Variants in CDH13 observed in about 807,000 individuals in gnomAD.
CDH13 encodes cadherin-13.
Under a neutral mutation model 63.8 loss-of-function variants are expected in CDH13, and 24 were observed. The observed-to-expected ratio is 0.38, with a 90% CI of 0.27 to 0.53. CDH13 has a LOEUF of 0.53. Among genes scored for constraint, CDH13 ranks in the 20% least tolerant of loss-of-function variants. The pLI is 0.85. For missense variants in CDH13, 1,049 were observed against 903.1 expected, an observed-to-expected ratio of 1.16 and a Z score of -2.07; for synonymous variants, 503 against 355.3, an observed-to-expected ratio of 1.42 and a Z score of -4.67.
intron 1 of CDH13, among the ~76,000 whole-genome samples, chr16:82,766,503 A>G (rs1453748979): frequency 6.6e-6 from 1 of 152,214 alleles, no homozygotes; most frequent in Non-Finnish European, 1.5e-5. Flanking sequence ...TTCTGCCAGT[A>G]CACCTTTCTG....
At chr16:83,269,044 G>A (rs1389795575) in intron 5 of CDH13, among the ~76,000 whole-genome samples, 1 of 152,196 alleles carries the variant, frequency 6.6e-6, no homozygotes, top group Non-Finnish European at 1.5e-5. Flanking sequence ...CATCTGTAAA[G>A]ACGCTTTTAC....
At chr16:83,611,175 A>G (rs1908827696) in intron 8 of CDH13, among the ~76,000 whole-genome samples, 1 of 151,922 alleles carries the variant, frequency 6.6e-6, no homozygotes, top group Non-Finnish European at 1.5e-5. Context: ...GTTTATCTTT[A>G]TTCTGGATGT....
At chr16:82,697,768 TG>T (rs1567638782) in intron 1 of CDH13, among the ~76,000 whole-genome samples, 7 of 146,680 alleles carry the variant, frequency 4.8e-5, no homozygotes, top group African/African-American at 1.3e-4. Context: ...TGTGTGTGTG[TG>T]TGTGTGTGTG....
At position 83,260,097 on chromosome 16, in the gene CDH13, TACACACACACACACACAC is replaced by T. The variant is rs61647390; in HGVS notation, c.636+42629_636+42646del. On this transcript the variant is annotated intron_variant, in intron 5 of 13. Transcript: ENST00000567109. Reference sequence around the variant, plus strand: ...TTTTTTTGTAACCATGTACCCCCAATACACACACACACACACACACACACACACACACACACACACACA... The same window carrying T: ...TTTTTTTGTAACCATGTACCCCCAATACACACACACACACACACACACACA... Among the ~76,000 whole-genome samples, 43 of 126,522 alleles carry T rather than the reference TACACACACACACACACAC, an allele frequency of 3.4e-4. 1 individual carries two copies. Among genetic ancestry groups the T allele is most frequent in the Middle Eastern group, 3.8e-3 (1 of 262 alleles). 83.0% of individuals were successfully genotyped at this position (126,522 alleles called of 152,430 possible).
At chr16:83,311,695 T>G (rs1312937898) in intron 5 of CDH13, among the ~76,000 whole-genome samples, 1 of 152,218 alleles carries the variant, frequency 6.6e-6, no homozygotes, top group African/African-American at 2.4e-5. Context: ...GACTCAAGGC[T>G]TGTACTCTCT....
rs1182043552 is a variant in CDH13, at chr16:83,796,971, G to C, written c.*1941G>C. ...GCTGGATCAGGAGATGCCACACCTT[G>C]AACTTGATAGGGTCATTCTCCACGA... On this transcript the variant is annotated 3_prime_UTR_variant, in exon 14 of 14. Coordinates refer to ENST00000567109, the MANE Select transcript of CDH13 (RefSeq NM_001257.5). 6.6e-6 allele frequency: 1 copy of C among 152,172 alleles called. No homozygotes were observed. The highest frequency in any genetic ancestry group is 1.5e-5 in the Non-Finnish European group (1 of 68,046). 9.4% of individuals were successfully genotyped at this position (152,172 alleles called of 1,614,324 possible).
intron 8 of CDH13, among the ~76,000 whole-genome samples, chr16:83,634,629 G>A (rs191155996): frequency 1.4e-3 from 220 of 152,158 alleles, no homozygotes; most frequent in Middle Eastern, 6.8e-3. Context: ...TTGAACTCCT[G>A]ACCTCAGGTG....
At chr16:83,004,635 C>A (rs532880451) in intron 2 of CDH13, among the ~76,000 whole-genome samples, 1 of 152,152 alleles carries the variant, frequency 6.6e-6, no homozygotes, top group Admixed American at 6.5e-5. Flanking sequence ...GCAGCTAGGA[C>A]TACAGGTGCC....
chr16:83,771,185 A>T (rs905263900), intron 11 of CDH13, among the ~76,000 whole-genome samples: 1 of 152,142 alleles, frequency 6.6e-6, no homozygotes, highest in South Asian at 2.1e-4. Flanking sequence ...TTTATTAATC[A>T]TATTACCCTG....
At chr16:83,316,036 G>A (rs13335853) in intron 5 of CDH13, among the ~76,000 whole-genome samples, 62,418 of 151,956 alleles carry the variant, frequency 0.41, 12,933 homozygotes, top group East Asian at 0.51. Flanking sequence ...GCCTCAGGAA[G>A]CTTACAATCA....
rs555825731 is a variant in CDH13, at chr16:82,722,329, C to A, written c.45+95192C>A. On this transcript the variant is annotated intron_variant, in intron 1 of 13. Coordinates refer to ENST00000567109, the MANE Select transcript of CDH13 (RefSeq NM_001257.5). ...TTGGCTCTACTTTTTTCTATGGTGA[C>A]TTCACTCTCAGGCAGGGTCTTCCCA... 7.9e-4 allele frequency among the ~76,000 whole-genome samples: 120 copies of A among 152,256 alleles called. 2 individuals carry two copies. Among genetic ancestry groups the A allele is most frequent in the Non-Finnish European group, 9.1e-4 (62 of 68,004 alleles).
intron 6 of CDH13, among the ~76,000 whole-genome samples, chr16:83,458,971 A>G (rs749412721): frequency 4.6e-5 from 7 of 152,256 alleles, no homozygotes; most frequent in Admixed American, 1.3e-4. Context: ...AGATGATGAA[A>G]CGACAATTTT....
At chr16:83,031,556 A>G (rs1027663984) in intron 2 of CDH13, among the ~76,000 whole-genome samples, 1 of 151,856 alleles carries the variant, frequency 6.6e-6, no homozygotes, top group Admixed American at 6.6e-5. Context: ...TGAATAGCCT[A>G]TAATGTCTTC....
intron 2 of CDH13, among the ~76,000 whole-genome samples, chr16:82,877,158 A>C (rs564846063): frequency 6.6e-6 from 1 of 152,348 alleles, no homozygotes; most frequent in African/African-American, 2.4e-5. Flanking sequence ...GCCTCAAGCA[A>C]TTTAAGATAG....
chr16:82,739,013 C>A (rs985851468), intron 1 of CDH13, among the ~76,000 whole-genome samples: 2 of 152,166 alleles, frequency 1.3e-5, no homozygotes, highest in Admixed American at 1.3e-4. Flanking sequence ...AAGCAGTGAG[C>A]AAGATACGTT....
chr16:83,022,642 G>GA (rs1335257035), intron 2 of CDH13, among the ~76,000 whole-genome samples: 2 of 152,148 alleles, frequency 1.3e-5, no homozygotes, highest in African/African-American at 4.8e-5. Context: ...CTGTCTGGGG[G>GA]AGGGCTACAA....
intron 8 of CDH13, among the ~76,000 whole-genome samples, chr16:83,619,201 C>G (rs1310944265): frequency 6.6e-6 from 1 of 152,158 alleles, no homozygotes; most frequent in Non-Finnish European, 1.5e-5. Context: ...CTTTTCCAGG[C>G]TCTGTGATAA....
intron 1 of CDH13, among the ~76,000 whole-genome samples, chr16:82,780,814 T>A (rs1782805757): frequency 6.6e-6 from 1 of 152,226 alleles, no homozygotes; most frequent in Non-Finnish European, 1.5e-5. Flanking sequence ...AGAAAAGACA[T>A]GTATAACACA....
intron 3 of CDH13, among the ~76,000 whole-genome samples, chr16:83,102,451 T>C (rs892259407): frequency 6.6e-6 from 1 of 152,126 alleles, no homozygotes; most frequent in African/African-American, 2.4e-5. Flanking sequence ...CCAGTGTGCC[T>C]GGACTGAGCT....
Sources: gnomAD v4.1 joint callset for allele counts (sites outside exome capture counted in the v4.1 genomes callset) on GRCh38, gnomAD v4.1.1 for gene constraint, MANE v1.5 for transcripts, NCBI Gene and HGNC (gene_info 2026-07-23, HGNC 2026-07-21) for gene names.